The following APBA2 variants were observed in gnomAD, a reference collection of about 807,000 sequenced individuals.
The protein encoded by APBA2 is amyloid beta precursor protein binding family A member 2.
APBA2 carries 30 observed loss-of-function variants against 75.0 expected under a neutral mutation model. The ratio of observed to expected loss-of-function variants is 0.40; its 90% CI spans 0.30 to 0.54. The LOEUF (loss-of-function observed/expected upper bound fraction) is 0.54. Ranked by LOEUF, APBA2 falls within the 20% of genes least tolerant of loss-of-function variation. The pLI is 0.49. For missense variants in APBA2, 801 were observed against 1,016.1 expected (o/e 0.79, Z 2.88); for synonymous variants, 444 against 409.6 (o/e 1.08, Z -1.01).
At chr15:28,926,438 T>C (rs2034264836) in intron 2 of APBA2, among the ~76,000 whole-genome samples, 1 of 152,230 alleles carries the variant, frequency 6.6e-6, no homozygotes, top group African/African-American at 2.4e-5. Context: ...TATAACAGAA[T>C]ACTCCCAAAT....
intron 11 of APBA2, among the ~76,000 whole-genome samples, chr15:29,106,110 C>G (rs984850164): frequency 1.3e-5 from 2 of 152,196 alleles, no homozygotes; most frequent in African/African-American, 4.8e-5. Flanking sequence ...TGGTTTCTTG[C>G]TGAAGACATT....
chr15:29,082,663 T>G (rs2043133755), intron 6 of APBA2, among the ~76,000 whole-genome samples: 1 of 152,232 alleles, frequency 6.6e-6, no homozygotes, highest in South Asian at 2.1e-4. Flanking sequence ...TGCTTTTTAC[T>G]TTGCTAAACA....
intron 2 of APBA2, among the ~76,000 whole-genome samples, chr15:28,953,191 G>A (rs893719663): frequency 2.0e-5 from 3 of 152,020 alleles, no homozygotes; most frequent in Non-Finnish European, 1.5e-5. Flanking sequence ...CAGCGTTTGT[G>A]CAGAATCCTC....
chr15:28,919,818 G>T (rs2033876414), intron 1 of APBA2, among the ~76,000 whole-genome samples: 1 of 152,316 alleles, frequency 6.6e-6, no homozygotes, highest in East Asian at 1.9e-4. Context: ...CCCCTCCTCA[G>T]TCCGAAACAT....
intron 9 of APBA2, 51 bp downstream of exon 9, chr15:29,098,627 T>G (rs1302822727): frequency 2.1e-6 from 3 of 1,431,624 alleles, no homozygotes; most frequent in East Asian, 4.5e-5. Flanking sequence ...TAAGTTCGAC[T>G]CCTTCTTGTC....
intron 2 of APBA2, among the ~76,000 whole-genome samples, chr15:28,982,849 A>G (rs115834291): frequency 0.013 from 1,978 of 152,350 alleles, 58 homozygotes; most frequent in African/African-American, 0.045. Context: ...AGCCTGCTCT[A>G]TAGAAGGCGA....
chr15:29,116,606 C>T (rs1388470452), intron 14 of APBA2, among the ~76,000 whole-genome samples: 5 of 146,332 alleles, frequency 3.4e-5, no homozygotes, highest in African/African-American at 1.0e-4. Context: ...CCAGCCTGGG[C>T]GACAGAGCAA....
chr15:29,071,052 G>C, intron 4 of APBA2: 1 of 456,726 alleles, frequency 2.2e-6, no homozygotes, highest in Non-Finnish European at 4.4e-6. Flanking sequence ...TGTCATTCCA[G>C]AGAGTGCTTG....
chr15:28,889,392 C>A (rs1259768160), intron 1 of APBA2, among the ~76,000 whole-genome samples: 1 of 152,230 alleles, frequency 6.6e-6, no homozygotes, highest in East Asian at 1.9e-4. Context: ...AGGTTGGGGG[C>A]TGTGGGGTAC....
chr15:29,052,244 A>G (rs950296774), intron 3 of APBA2, among the ~76,000 whole-genome samples: 1 of 152,038 alleles, frequency 6.6e-6, no homozygotes, highest in Non-Finnish European at 1.5e-5. Context: ...TCACGAGGTC[A>G]GGAGATCGTG....
At chr15:29,094,231 C>T in intron 7 of APBA2, 47 bp from the exon 8 acceptor site, 3 of 1,606,820 alleles carry the variant, frequency 1.9e-6, no homozygotes, top group Non-Finnish European at 2.6e-6. Context: ...ACGCACCTTC[C>T]TTCTCTCTGT....
chr15:29,099,362 G>A (rs533899725), intron 9 of APBA2, among the ~76,000 whole-genome samples: 41 of 152,300 alleles, frequency 2.7e-4, no homozygotes, highest in African/African-American at 6.5e-4. Flanking sequence ...TCAGCAAAGC[G>A]GATGCAGGCT....
At chr15:29,017,397 CTTTTT>C in intron 3 of APBA2, among the ~76,000 whole-genome samples, 1 of 102,058 alleles carries the variant, frequency 9.8e-6, no homozygotes, top group South Asian at 3.5e-4. Context: ...TTCTTTCTTT[CTTTTT>C]TTTTTTTTTT....
At chr15:28,965,834 A>G (rs557174430) in intron 2 of APBA2, among the ~76,000 whole-genome samples, 1 of 152,162 alleles carries the variant, frequency 6.6e-6, no homozygotes, top group African/African-American at 2.4e-5. Flanking sequence ...CTGAAACCTT[A>G]CTGAACTATA....
At chr15:29,090,972 T>C (rs1044886366) in intron 6 of APBA2, among the ~76,000 whole-genome samples, 1 of 152,060 alleles carries the variant, frequency 6.6e-6, no homozygotes, top group African/African-American at 2.4e-5. Context: ...CACACTTCAC[T>C]CTGAAGAAGC....
At chr15:28,927,588 T>TTTTTTA (rs1253078640) in intron 2 of APBA2, among the ~76,000 whole-genome samples, 1 of 151,736 alleles carries the variant, frequency 6.6e-6, no homozygotes, top group Non-Finnish European at 1.5e-5. Flanking sequence ...TTATTATTAT[T>TTTTTTA]TTTTTATTTT....
intron 2 of APBA2, among the ~76,000 whole-genome samples, chr15:28,973,041 C>T (rs191090400): frequency 6.6e-6 from 1 of 152,310 alleles, no homozygotes; most frequent in African/African-American, 2.4e-5. Context: ...ATACGATCAG[C>T]CCCTGACATC....
At chr15:28,922,561 A>AGCTGT (rs1260638273) in intron 2 of APBA2, among the ~76,000 whole-genome samples, 5 of 152,196 alleles carry the variant, frequency 3.3e-5, no homozygotes, top group Non-Finnish European at 7.3e-5. Context: ...ATGGGGCCAC[A>AGCTGT]GCTGTGTCAC....
chr15:28,921,277 A>G (rs1286186276), intron 1 of APBA2, among the ~76,000 whole-genome samples: 2 of 152,168 alleles, frequency 1.3e-5, no homozygotes, highest in African/African-American at 4.8e-5. Context: ...TTATCTTCCT[A>G]CAAAATCTTC....
Sources: gnomAD v4.1 joint callset for allele counts (sites outside exome capture counted in the v4.1 genomes callset) on GRCh38, gnomAD v4.1.1 for gene constraint, MANE v1.5 for transcripts, NCBI Gene and HGNC (gene_info 2026-07-23, HGNC 2026-07-21) for gene names.